The following POLB variants were observed in gnomAD, a reference collection of about 807,000 sequenced individuals.
The protein encoded by POLB is DNA polymerase beta.
POLB carries 37 observed loss-of-function variants against 52.7 expected under a neutral mutation model. The ratio of observed to expected loss-of-function variants is 0.70; its 90% CI spans 0.54 to 0.92. The LOEUF (loss-of-function observed/expected upper bound fraction) is 0.92, where lower values mean the gene tolerates loss of function less well. Among genes scored for constraint, POLB ranks in the 40% least tolerant of loss-of-function variants. POLB has a pLI of 0.00. For missense variants in POLB, 313 were observed against 400.8 expected, an observed-to-expected ratio of 0.78 and a Z score of 1.87; for synonymous variants, 138 against 131.3, an observed-to-expected ratio of 1.05 and a Z score of -0.35.
intron 11 of POLB, among the ~76,000 whole-genome samples, chr8:42,364,034 C>T (rs1823890816): frequency 6.7e-6 from 1 of 149,018 alleles, no homozygotes; most frequent in African/African-American, 2.5e-5. Context: ...TCAAGCAGTT[C>T]TCCTGCCTCA....
intron 6 of POLB, 98 bp downstream of exon 6, chr8:42,352,666 C>T (rs1823046209): frequency 1.3e-6 from 1 of 755,350 alleles, no homozygotes; most frequent in Admixed American, 2.0e-5. Context: ...CATTCTCAAT[C>T]AGTAGATACA....
intron 11 of POLB, among the ~76,000 whole-genome samples, chr8:42,363,132 A>G (rs890550969): frequency 1.3e-5 from 2 of 151,708 alleles, no homozygotes; most frequent in African/African-American, 2.4e-5. Flanking sequence ...AAAAAAAAAA[A>G]AAGAAAGAAA....
intron 2 of POLB, chr8:42,341,732 T>G: frequency 2.7e-6 from 1 of 368,848 alleles, no homozygotes; most frequent in Non-Finnish European, 5.2e-6. Flanking sequence ...GTTTATTGTC[T>G]TTATCTGAAA....
Position 42,346,813 on chromosome 8 carries a change from C to T in POLB, c.186+1794C>T, listed in dbSNP as rs79190639. On this transcript the variant is annotated intron_variant, in intron 3 of 13. Transcript: ENST00000265421. Reference sequence around the variant, plus strand: ...ATGTGCCACATCTTAACCTTGACTTCGCTACTCAGTACAAATCATGCTCTG... The same window carrying T: ...ATGTGCCACATCTTAACCTTGACTTTGCTACTCAGTACAAATCATGCTCTG... Among the ~76,000 whole-genome samples the T allele has an allele frequency of 6.2e-3, 942 of 152,296 alleles. 14 individuals carry two copies. Among genetic ancestry groups the T allele is most frequent in the Middle Eastern group, 0.027 (8 of 294 alleles).
chr8:42,353,326 T>G (rs909443735), intron 6 of POLB, among the ~76,000 whole-genome samples: 1 of 151,904 alleles, frequency 6.6e-6, no homozygotes, highest in Non-Finnish European at 1.5e-5. Context: ...TTAGCCAGGA[T>G]GGTCTCGGTC....
chr8:42,356,021 CA>C (rs555771536), intron 7 of POLB, among the ~76,000 whole-genome samples: 51 of 152,196 alleles, frequency 3.4e-4, no homozygotes, highest in African/African-American at 1.2e-3. Context: ...CCTAAATAAC[CA>C]TATAGGAATA....
chr8:42,346,216 C>G (rs550898273), intron 3 of POLB, among the ~76,000 whole-genome samples: 1 of 152,112 alleles, frequency 6.6e-6, no homozygotes, highest in Non-Finnish European at 1.5e-5. Flanking sequence ...GCCACTGCAC[C>G]CAGCCTGAGA....
At position 42,342,424 on chromosome 8, in the gene POLB, C is replaced by G. The variant is rs1822261751; in HGVS notation, c.120-2529C>G. On this transcript the variant is annotated intron_variant, in intron 2 of 13. Transcript: ENST00000265421. ...ATATGCTGCGCAGACTATCATATCC[C>G]CCTCTATACGGGCATAAGCAATCTG... 5 of 1,419,592 alleles carry G rather than the reference C, an allele frequency of 3.5e-6. No homozygotes were observed. The South Asian group carries it at 4.6e-5, about 13-fold the overall frequency. The allele number at this position is 1,419,592 out of a possible 1,614,324, so 87.9% of individuals were successfully genotyped here.
At chr8:42,367,882 TG>T (rs1215579607) in intron 11 of POLB, among the ~76,000 whole-genome samples, 1 of 152,178 alleles carries the variant, frequency 6.6e-6, no homozygotes, top group Non-Finnish European at 1.5e-5. Flanking sequence ...TGTGCAAGTT[TG>T]GCCTTGGGTG....
At chr8:42,355,375 A>G in intron 6 of POLB, 141 bp from the exon 7 acceptor site, 1 of 616,100 alleles carries the variant, frequency 1.6e-6, no homozygotes, top group Non-Finnish European at 3.0e-6. Context: ...CATATCTGAA[A>G]TTTTTGTCTC....
At chr8:42,370,882 A>G (rs1824345346) in intron 13 of POLB, among the ~76,000 whole-genome samples, 2 of 152,226 alleles carry the variant, frequency 1.3e-5, no homozygotes, top group South Asian at 2.1e-4. Context: ...GCTGGGCCGC[A>G]TGCAGCTGGC....
At chr8:42,361,650 A>C (rs1183316803) in intron 10 of POLB, 1 of 260,316 alleles carries the variant, frequency 3.8e-6, no homozygotes, top group Non-Finnish European at 7.3e-6. Flanking sequence ...TAGAAATACT[A>C]TAATCAGATT....
At chr8:42,343,585 A>G (rs1822395559) in intron 2 of POLB, among the ~76,000 whole-genome samples, 1 of 148,306 alleles carries the variant, frequency 6.7e-6, no homozygotes, top group African/African-American at 2.4e-5. Context: ...GCACATTTTT[A>G]TGAGGAAGTT....
At chr8:42,368,210 C>G (rs1223741519) in intron 11 of POLB, among the ~76,000 whole-genome samples, 1 of 152,162 alleles carries the variant, frequency 6.6e-6, no homozygotes, top group Non-Finnish European at 1.5e-5. Context: ...TCCGCATCCG[C>G]AAGGTAATAC....
intron 2 of POLB, among the ~76,000 whole-genome samples, chr8:42,343,345 A>AATATAT (rs1554531634): frequency 3.0e-5 from 1 of 33,066 alleles, no homozygotes; most frequent in African/African-American, 5.9e-5. Flanking sequence ...AAAAAAAAAA[A>AATATAT]ATATATATAT....
At chr8:42,364,262 CAG>C (rs1255010229) in intron 11 of POLB, among the ~76,000 whole-genome samples, 1 of 150,796 alleles carries the variant, frequency 6.6e-6, no homozygotes, top group Admixed American at 6.6e-5. Context: ...TTTTTTGAAA[CAG>C]GGTCTTGCTC....
intron 11 of POLB, among the ~76,000 whole-genome samples, chr8:42,366,467 G>A (rs1400748327): frequency 6.6e-6 from 1 of 152,162 alleles, no homozygotes; most frequent in East Asian, 1.9e-4. Context: ...TTTATGTTGC[G>A]ACATAGGAAT....
chr8:42,363,390 TGGTGGTGTGC>T (rs982832534), intron 11 of POLB, among the ~76,000 whole-genome samples: 1 of 150,968 alleles, frequency 6.6e-6, no homozygotes, highest in African/African-American at 2.4e-5. Context: ...TAGCTGGGCG[TGGTGGTGTGC>T]GCCTGTAGTC....
At chr8:42,371,449 A>T in intron 13 of POLB, 114 bp from the exon 14 acceptor site, 1 of 437,404 alleles carries the variant, frequency 2.3e-6, no homozygotes, top group Non-Finnish European at 4.1e-6. Context: ...TGACTTGGTT[A>T]CCATTTTCTT....
Sources: allele counts gnomAD v4.1 joint callset (sites outside exome capture counted in the v4.1 genomes callset), GRCh38; gene constraint gnomAD v4.1.1; transcripts MANE v1.5; gene names NCBI Gene and HGNC (gene_info 2026-07-23, HGNC 2026-07-21).